The following MTCL1 variants were observed in gnomAD, a reference collection of about 807,000 sequenced individuals.
The protein encoded by MTCL1 is microtubule crosslinking factor 1.
MTCL1 carries 79 observed loss-of-function variants against 141.4 expected under a neutral mutation model. The observed-to-expected ratio is 0.56, with a 90% CI of 0.47 to 0.67. The LOEUF (loss-of-function observed/expected upper bound fraction) is 0.67, where lower values mean the gene tolerates loss of function less well. Ranked by LOEUF, MTCL1 falls within the 30% of genes least tolerant of loss-of-function variation. The probability of loss-of-function intolerance (pLI) is 0.00; values close to 1 mark genes in which losing one functional copy is unlikely to be tolerated. For missense variants in MTCL1, 2,177 were observed against 2,113.9 expected, an observed-to-expected ratio of 1.03 and a Z score of -0.59; for synonymous variants, 914 against 875.8, an observed-to-expected ratio of 1.04 and a Z score of -0.77.
intron 9 of MTCL1, among the ~76,000 whole-genome samples, chr18:8,797,221 CTTCT>C (rs1365414817): frequency 1.3e-5 from 2 of 152,152 alleles, no homozygotes; most frequent in East Asian, 1.9e-4. Context: ...AACTTTTGCT[CTTCT>C]TTCTATTTGA....
intron 4 of MTCL1, among the ~76,000 whole-genome samples, chr18:8,751,043 G>A (rs1398688324): frequency 1.3e-5 from 2 of 152,196 alleles, no homozygotes; most frequent in Non-Finnish European, 2.9e-5. Flanking sequence ...AGTGCCCTGG[G>A]CAGCGGGCCC....
chr18:8,825,611 C>T, exon 15 of MTCL1: 1 of 1,613,840 alleles, frequency 6.2e-7, no homozygotes, highest in East Asian at 2.2e-5. Flanking sequence ...GCCTTAGGAG[C>T]AGACAGGTGG....
chr18:8,761,220 A>G (rs1446388098), intron 4 of MTCL1, among the ~76,000 whole-genome samples: 1 of 152,242 alleles, frequency 6.6e-6, no homozygotes, highest in African/African-American at 2.4e-5. Context: ...GGTGCAATAA[A>G]TCATAGATTG....
chr18:8,779,467 A>G lies in MTCL1; in HGVS notation c.417+1575A>G, dbSNP rs1457878550. ...AAGAAGTCTACGGTTACAAGATAAG[A>G]TGGGCATCCAGCCTCCCGCTGCCTG... On this transcript the variant is annotated intron_variant, in intron 5 of 16. Transcript: ENST00000359865. The surrounding 1 kb of genome is among the most constrained non-coding windows in gnomAD (Gnocchi z 4.1). 1.3e-5 allele frequency among the ~76,000 whole-genome samples: 2 copies of G among 152,160 alleles called. No individual in the cohort carries two copies. Among genetic ancestry groups the G allele is most frequent in the African/African-American group, 4.8e-5 (2 of 41,446 alleles).
rs2144560514 is a variant in MTCL1 at position 8,830,077 on chromosome 18, T to A, written c.*18+1113T>A. On this transcript the variant is annotated intron_variant, in intron 16 of 16. Coordinates refer to ENST00000359865, the Ensembl canonical transcript of MTCL1. This position sits in a 1 kb window ranked among gnomAD's most constrained non-coding sequence, Gnocchi z 6.4. ...GATACACAATACACAACACACACAC[T>A]ACTTCTATAACAAGGGGAGCGCAGA... The A allele has an allele frequency of 1.2e-5, 12 of 985,262 alleles. No individual in the cohort carries two copies. Among genetic ancestry groups the A allele is most frequent in the Non-Finnish European group, 1.4e-5 (12 of 829,994 alleles). 61.0% of individuals were successfully genotyped at this position (985,262 alleles called of 1,614,324 possible). A position where few individuals can be genotyped will look rare whatever the true frequency, so the allele number is the denominator to read the frequency against.
At chr18:8,765,363 G>A (rs1254178864) in intron 4 of MTCL1, among the ~76,000 whole-genome samples, 1 of 152,240 alleles carries the variant, frequency 6.6e-6, no homozygotes, top group Non-Finnish European at 1.5e-5. Flanking sequence ...TGGCTGAACA[G>A]ACGACTGATT....
At chr18:8,708,606 A>G (rs930370596) in intron 1 of MTCL1, among the ~76,000 whole-genome samples, 1 of 152,150 alleles carries the variant, frequency 6.6e-6, no homozygotes, top group Non-Finnish European at 1.5e-5. Context: ...ATGCAGCCCT[A>G]TTTCCAGCGA....
intron 4 of MTCL1, among the ~76,000 whole-genome samples, chr18:8,767,399 G>A (rs1164931826): frequency 6.6e-6 from 1 of 152,196 alleles, no homozygotes; most frequent in Non-Finnish European, 1.5e-5. Flanking sequence ...AAGTCGGACA[G>A]GGTGTTATTA....
intron 4 of MTCL1, among the ~76,000 whole-genome samples, chr18:8,774,609 T>C (rs999251273): frequency 1.7e-4 from 26 of 152,126 alleles, no homozygotes; most frequent in African/African-American, 5.6e-4. Context: ...TGCCTTTGTC[T>C]CCTGAGTAGC....
chr18:8,745,658 G>T (rs1333199410), intron 4 of MTCL1, among the ~76,000 whole-genome samples: 1 of 152,166 alleles, frequency 6.6e-6, no homozygotes, highest in Non-Finnish European at 1.5e-5. Context: ...TCTAACGTGT[G>T]TTCCCAGGAG....
chr18:8,762,832 A>C (rs1357440875), intron 4 of MTCL1, among the ~76,000 whole-genome samples: 1 of 152,132 alleles, frequency 6.6e-6, no homozygotes, highest in Non-Finnish European at 1.5e-5. Flanking sequence ...GGCGGGAAGG[A>C]GGAGATGAGC....
chr18:8,769,017 G>A (rs1253715973), intron 4 of MTCL1, among the ~76,000 whole-genome samples: 2 of 152,038 alleles, frequency 1.3e-5, no homozygotes, highest in Non-Finnish European at 2.9e-5. Context: ...CTGGTCTCGA[G>A]CTCCTGACCT....
intron 8 of MTCL1, among the ~76,000 whole-genome samples, chr18:8,794,789 A>AAGAGACC (rs1377867024): frequency 2.6e-5 from 4 of 152,214 alleles, no homozygotes; most frequent in Non-Finnish European, 5.9e-5. Context: ...GTAAATGACT[A>AAGAGACC]AGAGACCAGA....
At chr18:8,799,245 T>C (rs1302864011) in intron 10 of MTCL1, among the ~76,000 whole-genome samples, 1 of 152,228 alleles carries the variant, frequency 6.6e-6, no homozygotes, top group Non-Finnish European at 1.5e-5. Flanking sequence ...GGAGCTCTAA[T>C]GGGAGCACGC....
intron 13 of MTCL1, among the ~76,000 whole-genome samples, chr18:8,820,828 G>C (rs961570672): frequency 2.6e-5 from 4 of 152,280 alleles, no homozygotes; most frequent in African/African-American, 9.6e-5. Context: ...TCAGAGTCTT[G>C]CTGCTTCAAA....
chr18:8,708,892 G>A (rs974993897), intron 1 of MTCL1, among the ~76,000 whole-genome samples: 1 of 152,212 alleles, frequency 6.6e-6, no homozygotes, highest in Admixed American at 6.5e-5. Context: ...CGACAGCAGG[G>A]GAGAGAAGAG....
exon 6 of MTCL1, chr18:8,784,741 G>T (rs114888699): frequency 6.2e-7 from 1 of 1,614,130 alleles, no homozygotes; most frequent in South Asian, 1.1e-5. Flanking sequence ...TATCCCCCTT[G>T]CCCCACCTCA....
At chr18:8,799,371 C>T (rs960276889) in intron 10 of MTCL1, among the ~76,000 whole-genome samples, 6 of 152,212 alleles carry the variant, frequency 3.9e-5, no homozygotes, top group African/African-American at 7.2e-5. Flanking sequence ...ATTTTCACAC[C>T]TAAACAGCTG....
chr18:8,785,708 T>G, intron 6 of MTCL1: 4 of 554,690 alleles, frequency 7.2e-6, no homozygotes, highest in East Asian at 3.2e-5. Flanking sequence ...ACCCGCCCCT[T>G]TGCTCATCCT....
Sources: gnomAD v4.1 joint callset for allele counts (sites outside exome capture counted in the v4.1 genomes callset) on GRCh38, gnomAD v4.1.1 for gene constraint, Gnocchi (gnomAD v3.1) non-coding constraint, MANE v1.5 for transcripts, NCBI Gene and HGNC (gene_info 2026-07-23, HGNC 2026-07-21) for gene names.